Variants in DCHS1 observed in about 807,000 individuals in gnomAD.
DCHS1 encodes the protein dachsous cadherin-related 1.
In DCHS1, 78 loss-of-function variants were observed where a neutral mutation model predicts 213.9. The observed-to-expected ratio is 0.36, with a 90% CI of 0.30 to 0.44. The LOEUF is 0.44. Among genes scored for constraint, DCHS1 ranks in the 20% least tolerant of loss-of-function variants. The pLI is 1.00. For missense variants in DCHS1, 3,946 were observed against 4,395.9 expected (o/e 0.90, Z 2.89); for synonymous variants, 1,828 against 1,873.7 (o/e 0.98, Z 0.63).
At position 6,627,325 on chromosome 11, in the gene DCHS1, T is replaced by G; in HGVS notation, c.5714A>C (p.Glu1905Ala). 1 of 1,610,436 alleles carries G rather than the reference T, an allele frequency of 6.2e-7. No homozygotes were observed. Among genetic ancestry groups the G allele is most frequent in the Non-Finnish European group, 8.5e-7 (1 of 1,178,430 alleles). ...TGTGCGCAGTTCTCCAGAGCTGGGC[T>G]CCAGCAGGAAGGCTCCTGCTGTACC... ...GAGTAGAFLL[E>A]PSSGELRTAA... Residue 1905 changes from glutamate to alanine, a missense_variant, in exon 14 of 21, where the codon GAG becomes GCG. Glu to Ala is a moderately radical substitution (Grantham distance 107). Around this residue, in one of 3 missense-constraint regions of DCHS1, gnomAD observed 3,384 missense variants for 3,780.1 expected, o/e 0.90. Transcript: ENST00000299441. This position sits in a 1 kb window ranked among gnomAD's most constrained non-coding sequence, Gnocchi z 5.4.
In DCHS1 at chr11:6,625,518, A is replaced by C; in HGVS notation, c.6863-37T>G. ...GAGACTAGTGTGTTTGGCAATGGAC[A>C]CAGCCCCACCTTGAGCTGCAGGGTG... On this transcript the variant is annotated intron_variant, in intron 18 of 20. Transcript: ENST00000299441. This position sits in a 1 kb window ranked among gnomAD's most constrained non-coding sequence, Gnocchi z 5.3. 6.2e-7 allele frequency: 1 copy of C among 1,608,500 alleles called. No individual in the cohort carries two copies. The highest frequency in any genetic ancestry group is 8.5e-7 in the Non-Finnish European group (1 of 1,178,380).
At position 6,627,765 on chromosome 11, in the gene DCHS1, G is replaced by A; in HGVS notation, c.5372-98C>T. ...AGAGTGAGCATGTGCACAAAAGCAA[G>A]TGAACCTTATGAGAGAAAGGAAGAA... is the stretch of plus-strand genomic sequence containing the variant. On this transcript the variant is annotated intron_variant, in intron 13 of 20. Coordinates refer to ENST00000299441, the MANE Select transcript of DCHS1 (RefSeq NM_003737.4). The surrounding 1 kb of genome is among the most constrained non-coding windows in gnomAD (Gnocchi z 5.4). 1 of 1,309,032 alleles carries A rather than the reference G, an allele frequency of 7.6e-7. No homozygotes were observed. The highest frequency in any genetic ancestry group is 1.5e-5 in the South Asian group (1 of 67,238). 81.1% of individuals were successfully genotyped at this position (1,309,032 alleles called of 1,614,324 possible). A position where few individuals can be genotyped will look rare whatever the true frequency, so the allele number is the denominator to read the frequency against.
chr11:6,642,640 G>T (rs541575106), intron 1 of DCHS1, among the ~76,000 whole-genome samples: 6 of 150,644 alleles, frequency 4.0e-5, no homozygotes, highest in African/African-American at 9.7e-5. Flanking sequence ...GGGGTGGGGT[G>T]GGGGGGGCAT....
At position 6,627,525 on chromosome 11, in the gene DCHS1, C is replaced by A. The variant is rs746058224; in HGVS notation, c.5514G>T (p.Thr1838=). Residue 1838 remains threonine, a synonymous_variant, in exon 14 of 21, where the codon ACG becomes ACT. Coordinates refer to ENST00000299441, the MANE Select transcript of DCHS1 (RefSeq NM_003737.4). This position sits in a 1 kb window ranked among gnomAD's most constrained non-coding sequence, Gnocchi z 5.4. ...CCAGCACTGTCACTGTCAAAAGCAGCGTGGCACTGAGAGCTGGCTGGCCTC... is the reference window on the plus strand; with the variant it reads ...CCAGCACTGTCACTGTCAAAAGCAGAGTGGCACTGAGAGCTGGCTGGCCTC... The part of the protein sequence containing the change: ...RDGGQPALSA[T]LLLTVTVLDA... The A allele has an allele frequency of 1.2e-6, 2 of 1,612,398 alleles. No individual in the cohort carries two copies. The highest frequency in any genetic ancestry group is 1.7e-6 in the Non-Finnish European group (2 of 1,179,406).
rs1474021550 is a variant in DCHS1, at chr11:6,621,891, G to T, written c.9785C>A (p.Ala3262Asp). 2.5e-6 allele frequency: 4 copies of T among 1,612,694 alleles called. No homozygotes were observed. Among genetic ancestry groups the T allele is most frequent in the Non-Finnish European group, 3.4e-6 (4 of 1,179,348 alleles). ...PSFSPSLSPL[A>D]ARSPVVSPFG... ...TGGTGAGACAACGGGTGAGCGAGCAGCCAGAGGAGACAGAGAGGGTGAGAA... is the reference window on the plus strand; with the variant it reads ...TGGTGAGACAACGGGTGAGCGAGCATCCAGAGGAGACAGAGAGGGTGAGAA... The change falls in exon 21 of 21, where the codon GCT (alanine) becomes GAT (aspartate). Residue 3262 changes from alanine (A) to aspartate (D), a missense_variant. This residue lies in a region of DCHS1 where 554 missense variants were observed against 590.2 expected (regional missense o/e 0.94). Transcript: ENST00000299441.
intron 1 of DCHS1, among the ~76,000 whole-genome samples, chr11:6,651,349 T>C (rs1856239755): frequency 6.6e-6 from 1 of 152,006 alleles, no homozygotes; most frequent in Non-Finnish European, 1.5e-5. Context: ...GTGTCTTTGG[T>C]GAACTACAGG....
Position 6,628,532 on chromosome 11 carries a change from G to T in DCHS1, c.5371+89C>A. 1 of 1,457,622 alleles carries T rather than the reference G, an allele frequency of 6.9e-7. No individual in the cohort carries two copies. Among genetic ancestry groups the T allele is most frequent in the South Asian group, 1.2e-5 (1 of 86,592 alleles). 90.3% of individuals were successfully genotyped at this position (1,457,622 alleles called of 1,614,324 possible). A position where few individuals can be genotyped will look rare whatever the true frequency, so the allele number is the denominator to read the frequency against. On this transcript the variant is annotated intron_variant, in intron 13 of 20. Coordinates refer to ENST00000299441, the MANE Select transcript of DCHS1 (RefSeq NM_003737.4). The surrounding 1 kb of genome is among the most constrained non-coding windows in gnomAD (Gnocchi z 4.3). ...ACATCAAGAGGGAAAAGGAGACCCAGACACATGCACTGAGGCTGACAGCAG... is the reference window on the plus strand; with the variant it reads ...ACATCAAGAGGGAAAAGGAGACCCATACACATGCACTGAGGCTGACAGCAG...
intron 2 of DCHS1, among the ~76,000 whole-genome samples, chr11:6,637,307 A>G (rs528803673): frequency 1.3e-5 from 2 of 152,274 alleles, no homozygotes; most frequent in Middle Eastern, 3.4e-3. Flanking sequence ...CAGCATTCTC[A>G]GCCTCTACCC....
rs759199065 is a variant in DCHS1, at chr11:6,623,197, G to A, written c.8479C>T (p.Arg2827Trp). 8 of 1,600,878 alleles carry A rather than the reference G, an allele frequency of 5.0e-6. No homozygotes were observed. The highest frequency in any genetic ancestry group is 2.3e-5 in the East Asian group (1 of 44,240). Residue 2827 changes from arginine to tryptophan, a missense_variant, in exon 21 of 21, where the codon CGG becomes TGG. By Grantham distance (101) the Arg-to-Trp change is moderately radical (BLOSUM62 -3). This residue lies in a region of DCHS1 where 3,384 missense variants were observed against 3,780.1 expected (regional missense o/e 0.90). Transcript: ENST00000299441. ...ACGTGACCCAAGCTGTGGCCACGCC[G>A]GGCACCTTCGGGCACTTGGAAGTGG... ...AFHFQVPEGA[R>W]RGHSLGHVQA...
chr11:6,622,987 C>T lies in DCHS1; in HGVS notation c.8689G>A (p.Glu2897Lys). The change falls in exon 21 of 21, where the codon GAG becomes AAG. Residue 2897 changes from glutamate (E) to lysine (K), a missense_variant. By Grantham distance (56) the Glu-to-Lys change is moderately conservative (BLOSUM62 1). Coordinates refer to ENST00000299441, the MANE Select transcript of DCHS1 (RefSeq NM_003737.4). This position sits in a 1 kb window ranked among gnomAD's most constrained non-coding sequence, Gnocchi z 5.4. ...CGTGCTATCACCTCCAGCCTCAGCT[C>T]CCGTGGTGCTTCCCGCCGGGTCCGG... ...GGRTRREAPR[E>K]LRLEVIARGP... 1 of 1,571,554 alleles carries T rather than the reference C, an allele frequency of 6.4e-7. No homozygotes were observed. The highest frequency in any genetic ancestry group is 1.2e-5 in the South Asian group (1 of 85,784).
rs1028702555 is a variant in DCHS1, at chr11:6,626,684, T to A, written c.6251-19A>T. The A allele has an allele frequency of 6.2e-7, 1 of 1,613,008 alleles. No individual in the cohort carries two copies. The highest frequency in any genetic ancestry group is 8.5e-7 in the Non-Finnish European group (1 of 1,179,392). On this transcript the variant is annotated intron_variant, in intron 14 of 20. Coordinates refer to ENST00000299441, the MANE Select transcript of DCHS1 (RefSeq NM_003737.4). The surrounding 1 kb of genome is among the most constrained non-coding windows in gnomAD (Gnocchi z 5.2). ...GGAGTCCCTGCAGAAAGAACGGTAT[T>A]GTTGGACTGTGAGCGCGAGACTGGG... is the stretch of plus-strand genomic sequence containing the variant.
Position 6,633,514 on chromosome 11 carries a change from G to C in DCHS1, c.2353C>G (p.Pro785Ala). The change falls in exon 5 of 21, where the codon CCC (proline) becomes GCC (alanine). Residue 785 changes from proline to alanine, a missense_variant. Pro to Ala is a conservative substitution (Grantham distance 27). This residue lies in a region of DCHS1 where 3,384 missense variants were observed against 3,780.1 expected (regional missense o/e 0.90). Coordinates refer to ENST00000299441, the MANE Select transcript of DCHS1 (RefSeq NM_003737.4). ...AGTTGCTCAAATATGGGTGGTGTGG[G>C]GGTTCCAGGCACAATGCTGATGTCC... is the stretch of plus-strand genomic sequence containing the variant. Reference protein sequence around the residue: ...RVDISIVPGTPTPPIFEQLQY... With the variant: ...RVDISIVPGTATPPIFEQLQY... The C allele has an allele frequency of 6.3e-7, 1 of 1,584,596 alleles. No individual in the cohort carries two copies. The highest frequency in any genetic ancestry group is 8.6e-7 in the Non-Finnish European group (1 of 1,164,906).
chr11:6,640,105 G>T lies in DCHS1; in HGVS notation c.1509C>A (p.Gly503=). 3 of 1,613,690 alleles carry T rather than the reference G, an allele frequency of 1.9e-6. No homozygotes were observed. Among genetic ancestry groups the T allele is most frequent in the Non-Finnish European group, 2.5e-6 (3 of 1,179,746 alleles). The part of the protein sequence containing the change: ...VRVTARDPDQ[G]TNGQVTYSLA... ...GGCTATAAGTGACCTGACCATTGGT[G>T]CCTTGGTCAGGATCCCGAGCAGTCA... The change falls in exon 2 of 21, where the codon GGC becomes GGA. Residue 503 remains glycine (G), a synonymous_variant. Transcript: ENST00000299441. This position sits in a 1 kb window ranked among gnomAD's most constrained non-coding sequence, Gnocchi z 6.5.
Position 6,622,681 on chromosome 11 carries a change from AG to A in DCHS1, c.8994del (p.Ser2999LeufsTer48). The part of the protein sequence containing the change: ...KLGREPPSPP[P>X]SEHLYHQTLP... Reference sequence around the variant, plus strand: ...AGAGTCTGGTGATAGAGGTGCTCAGAGGGTGGTGGACTAGGTGGCTCCCGGC... The same window carrying A: ...AGAGTCTGGTGATAGAGGTGCTCAGAGGTGGTGGACTAGGTGGCTCCCGGC... On this transcript the variant is annotated frameshift_variant, in exon 21 of 21. Coordinates refer to ENST00000299441, the MANE Select transcript of DCHS1 (RefSeq NM_003737.4). LOFTEE classifies it high-confidence loss of function. The surrounding 1 kb of genome is among the most constrained non-coding windows in gnomAD (Gnocchi z 5.4). 1 of 1,594,144 alleles carries A rather than the reference AG, an allele frequency of 6.3e-7. No homozygotes were observed. The highest frequency in any genetic ancestry group is 8.5e-7 in the Non-Finnish European group (1 of 1,170,636).
chr11:6,653,453 C>T lies in DCHS1; in HGVS notation c.-121+2110G>A, dbSNP rs532196570. Among the ~76,000 whole-genome samples, 4 of 152,336 alleles carry T rather than the reference C, an allele frequency of 2.6e-5. No individual in the cohort carries two copies. In the South Asian group the frequency reaches 8.3e-4, roughly 32 times the overall value. On this transcript the variant is annotated intron_variant, in intron 1 of 20. Coordinates refer to ENST00000299441, the MANE Select transcript of DCHS1 (RefSeq NM_003737.4). ...GTCCATTTTGTTCACACTTGTGCTG[C>T]CAACTCTCATCACAATGCCTAGCAG...
chr11:6,646,860 T>C (rs1295311632), intron 1 of DCHS1, among the ~76,000 whole-genome samples: 1 of 151,972 alleles, frequency 6.6e-6, no homozygotes, highest in Non-Finnish European at 1.5e-5. Context: ...CCAGCCTGTG[T>C]GTCTACAGGA....
chr11:6,626,952 T>G lies in DCHS1; in HGVS notation c.6087A>C (p.Leu2029=). The change falls in exon 14 of 21, where the codon CTA becomes CTC. Residue 2029 remains leucine (L), a synonymous_variant. Coordinates refer to ENST00000299441, the MANE Select transcript of DCHS1 (RefSeq NM_003737.4). The surrounding 1 kb of genome is among the most constrained non-coding windows in gnomAD (Gnocchi z 5.2). ...EIRVARSPVA[L]GPRDRVLFIV... ...TGAAGAGGACACGATCTCGGGGGCC[T>G]AGAGCTACAGGAGAGCGGGCCACGC... The G allele has an allele frequency of 6.2e-7, 1 of 1,613,534 alleles. No individual in the cohort carries two copies. The highest frequency in any genetic ancestry group is 8.5e-7 in the Non-Finnish European group (1 of 1,179,820).
chr11:6,648,092 C>G (rs999749399), intron 1 of DCHS1, among the ~76,000 whole-genome samples: 2 of 152,156 alleles, frequency 1.3e-5, no homozygotes. Flanking sequence ...TGGGGGGTGA[C>G]TGTTGGGATC....
At position 6,627,679 on chromosome 11, in the gene DCHS1, G is replaced by A. The variant is rs1432250975; in HGVS notation, c.5372-12C>T. 6.2e-7 allele frequency: 1 copy of A among 1,606,888 alleles called. No homozygotes were observed. On this transcript the variant is annotated splice_polypyrimidine_tract_variant and intron_variant, in intron 13 of 20. Coordinates refer to ENST00000299441, the MANE Select transcript of DCHS1 (RefSeq NM_003737.4). This position sits in a 1 kb window ranked among gnomAD's most constrained non-coding sequence, Gnocchi z 5.4. ...TGATGGGTCCCCATCTGCAGAGAAGGGCATGCACATATAAATATACATGTG... is the reference window on the plus strand; with the variant it reads ...TGATGGGTCCCCATCTGCAGAGAAGAGCATGCACATATAAATATACATGTG...
Sources: allele counts gnomAD v4.1 joint callset (sites outside exome capture counted in the v4.1 genomes callset), GRCh38; gene constraint gnomAD v4.1.1; regional missense constraint gnomAD v4.1.1; non-coding constraint Gnocchi (gnomAD v3.1); transcripts MANE v1.5; gene names NCBI Gene and HGNC (gene_info 2026-07-23, HGNC 2026-07-21).